The following SCIN variants were observed in gnomAD, a reference collection of about 807,000 sequenced individuals.
The protein encoded by SCIN is adseverin.
SCIN carries 91 observed loss-of-function variants against 91.8 expected under a neutral mutation model. The observed-to-expected ratio is 0.99, with a 90% CI of 0.84 to 1.18. The LOEUF is 1.18. Ranked by LOEUF, SCIN falls within the 50% of genes most tolerant of loss-of-function variation. The pLI is 0.00. For missense variants in SCIN, 1,087 were observed against 863.9 expected (o/e 1.26, Z -3.24); for synonymous variants, 367 against 312.6 (o/e 1.17, Z -1.84).
chr7:12,610,364 C>T (rs1783166045), intron 4 of SCIN, among the ~76,000 whole-genome samples: 1 of 152,164 alleles, frequency 6.6e-6, no homozygotes, highest in African/African-American at 2.4e-5. Flanking sequence ...ATGTACTCTA[C>T]AAAGCCTGTT....
intron 4 of SCIN, among the ~76,000 whole-genome samples, chr7:12,621,900 A>G (rs192063031): frequency 1.3e-4 from 20 of 151,998 alleles, no homozygotes; most frequent in African/African-American, 4.8e-4. Flanking sequence ...ATTGTAAGGA[A>G]TAGCGAATAT....
chr7:12,586,411 A>T (rs563139523), intron 3 of SCIN, among the ~76,000 whole-genome samples: 1 of 152,220 alleles, frequency 6.6e-6, no homozygotes, highest in African/African-American at 2.4e-5. Flanking sequence ...AATGACTGTC[A>T]TCAAAAACAC....
chr7:12,658,691 C>T lies in SCIN; in HGVS notation c.*5976C>T, dbSNP rs762956484. 12 of 152,170 alleles carry T rather than the reference C, an allele frequency of 7.9e-5. No individual in the cohort carries two copies. Among genetic ancestry groups the T allele is most frequent in the Non-Finnish European group, 1.5e-4 (10 of 68,018 alleles). The allele number at this position is 152,170 out of a possible 1,614,324, so 9.4% of individuals were successfully genotyped here. ...TGCCAAGACTCTCTTGTATGATTTT[C>T]CTCTCTAGCTTGGGGCTGCACCCTC... On this transcript the variant is annotated 3_prime_UTR_variant, in exon 16 of 16. Coordinates refer to ENST00000297029, the MANE Select transcript of SCIN (RefSeq NM_001112706.3).
At chr7:12,644,072 G>C in intron 11 of SCIN, 66 bp from the exon 12 acceptor site, 2 of 1,429,014 alleles carry the variant, frequency 1.4e-6, no homozygotes, top group Non-Finnish European at 1.9e-6. Context: ...CACAGCTTCT[G>C]GGACATGTTT....
At chr7:12,650,148 A>T (rs906901707) in intron 14 of SCIN, among the ~76,000 whole-genome samples, 1 of 152,222 alleles carries the variant, frequency 6.6e-6, no homozygotes, top group Non-Finnish European at 1.5e-5. Context: ...TGAAATGCTT[A>T]TCTGAATTAG....
Position 12,622,860 on chromosome 7 carries a change from C to T in SCIN, c.726C>T (p.Asp242=). 1.2e-6 allele frequency: 2 copies of T among 1,612,912 alleles called. No homozygotes were observed. The highest frequency in any genetic ancestry group is 2.2e-5 in the East Asian group (1 of 44,824). The change falls in exon 5 of 16, where the codon GAC becomes GAT. Residue 242 remains aspartate, a synonymous_variant. Coordinates refer to ENST00000297029, the MANE Select transcript of SCIN (RefSeq NM_001112706.3). ...DGGDDDDIIA[D]ISNRKMAKLY... is the part of the protein sequence containing the mutation. The stretch of plus-strand genomic sequence containing the variant: ...GTGATGATGATGACATTATAGCAGA[C>T]ATAAGTAACAGGAAAATGGCTAAAC...
chr7:12,587,249 G>T (rs1401982396), intron 3 of SCIN, among the ~76,000 whole-genome samples: 1 of 152,164 alleles, frequency 6.6e-6, no homozygotes, highest in African/African-American at 2.4e-5. Flanking sequence ...GAATAAAGGT[G>T]AATTTTGTTA....
intron 9 of SCIN, among the ~76,000 whole-genome samples, chr7:12,633,690 A>C (rs191601002): frequency 4.1e-4 from 62 of 152,352 alleles, no homozygotes; most frequent in African/African-American, 1.3e-3. Context: ...GAATAAAAGC[A>C]AAATGGAAAG....
chr7:12,572,795 A>G (rs1190504252), intron 1 of SCIN, among the ~76,000 whole-genome samples: 3 of 152,234 alleles, frequency 2.0e-5, no homozygotes, highest in Non-Finnish European at 4.4e-5. Context: ...AGTCAATAAC[A>G]TGTTAATAAC....
rs17166250 is a variant in SCIN, at chr7:12,636,088, T to C, written c.1363T>C (p.Phe455Leu). ...ATRDELTTSAFLTVQLDRSLG... is the reference protein window; with the variant it reads ...ATRDELTTSALLTVQLDRSLG... ...ACGAGATGAGCTGACAACATCTGCG[T>C]TCCTGACTGTTCAGTTGGATCGGTC... The change falls in exon 10 of 16, where the codon TTC becomes CTC. Residue 455 changes from phenylalanine (F) to leucine (L), a missense_variant. By Grantham distance (22) the Phe-to-Leu change is conservative. Coordinates refer to ENST00000297029, the MANE Select transcript of SCIN (RefSeq NM_001112706.3). 0.043 allele frequency: 69,717 copies of C among 1,611,762 alleles called. 1,722 individuals carry two copies. The highest frequency in any genetic ancestry group is 0.058 in the Middle Eastern group (352 of 6,060).
intron 1 of SCIN, among the ~76,000 whole-genome samples, chr7:12,573,426 A>G (rs1034855): frequency 1 from 152,269 of 152,272 alleles, 76,133 homozygotes; most frequent in Middle Eastern, 1. Context: ...AGAACAGAGC[A>G]GGAGAGTCGT....
At chr7:12,637,765 A>G (rs1447422190) in intron 10 of SCIN, among the ~76,000 whole-genome samples, 1 of 152,212 alleles carries the variant, frequency 6.6e-6, no homozygotes, top group Admixed American at 6.5e-5. Context: ...GACTGAATCC[A>G]AATTCAAAAT....
At chr7:12,644,357 TG>T (rs1189924665) in intron 12 of SCIN, 42 bp downstream of exon 12, 1 of 1,529,126 alleles carries the variant, frequency 6.5e-7, no homozygotes, top group Non-Finnish European at 8.8e-7. Context: ...GAATTTATAC[TG>T]ATACGATTGC....
chr7:12,610,085 A>G lies in SCIN; in HGVS notation c.666+5422A>G, dbSNP rs570513779. ...AGAGCATGGTCTGAATAACACCACAATTTGTTGGAAGACTTTTCATGATGA... is the reference window on the plus strand; with the variant it reads ...AGAGCATGGTCTGAATAACACCACAGTTTGTTGGAAGACTTTTCATGATGA... On this transcript the variant is annotated intron_variant, in intron 4 of 15. Transcript: ENST00000297029. Among the ~76,000 whole-genome samples the G allele has an allele frequency of 2.0e-5, 3 of 152,314 alleles. No individual in the cohort carries two copies. The South Asian group carries it at 6.2e-4, about 32-fold the overall frequency.
chr7:12,604,571 C>T lies in SCIN; in HGVS notation c.574C>T (p.Gln192Ter), dbSNP rs1583293658. The change falls in exon 4 of 16, where the codon CAG becomes TAG. Residue 192 changes from glutamine (Q) to a stop codon, truncating the protein, a stop_gained. Coordinates refer to ENST00000297029, the MANE Select transcript of SCIN (RefSeq NM_001112706.3). LOFTEE classifies it high-confidence loss of function. ...CAAATATGAACGTCTGAAGGCAAAC[C>T]AGGTAGCTACTGGCATTCGGTACAA... ...CNKYERLKANQVATGIRYNER... is the reference protein window; with the variant it reads ...CNKYERLKAN 1.3e-6 allele frequency: 2 copies of T among 1,551,904 alleles called. No homozygotes were observed. The highest frequency in any genetic ancestry group is 1.7e-6 in the Non-Finnish European group (2 of 1,146,998).
At chr7:12,579,170 G>A (rs143587721) in intron 2 of SCIN, among the ~76,000 whole-genome samples, 1,556 of 152,036 alleles carry the variant, frequency 0.01, 21 homozygotes, top group South Asian at 0.043. Flanking sequence ...TACTAAGTCC[G>A]CCTACTAAGA....
chr7:12,625,952 A>G, intron 7 of SCIN, 102 bp downstream of exon 7: 2 of 686,410 alleles, frequency 2.9e-6, no homozygotes, highest in Non-Finnish European at 4.9e-6. Flanking sequence ...TAACGTCTGT[A>G]TGTGAAGTGA....
chr7:12,618,568 G>A (rs1172099509), intron 4 of SCIN, among the ~76,000 whole-genome samples: 1 of 152,136 alleles, frequency 6.6e-6, no homozygotes, highest in Non-Finnish European at 1.5e-5. Context: ...TATATCCAGA[G>A]TGGGTGGAGC....
Position 12,655,111 on chromosome 7 carries a change from AT to A in SCIN, c.*2398del, listed in dbSNP as rs1361764083. 1 of 152,186 alleles carries A rather than the reference AT, an allele frequency of 6.6e-6. No individual in the cohort carries two copies. Among genetic ancestry groups the A allele is most frequent in the Non-Finnish European group, 1.5e-5 (1 of 68,010 alleles). 9.4% of individuals were successfully genotyped at this position (152,186 alleles called of 1,614,324 possible). On this transcript the variant is annotated 3_prime_UTR_variant, in exon 16 of 16. Transcript: ENST00000297029. The stretch of plus-strand genomic sequence containing the variant: ...ATAGTATTTGCATAAAACCTATACC[AT>A]TCTCCTGTATACTCTAAGTCATCTC...
Sources: gnomAD v4.1 joint callset for allele counts (sites outside exome capture counted in the v4.1 genomes callset) on GRCh38, gnomAD v4.1.1 for gene constraint, MANE v1.5 for transcripts, NCBI Gene and HGNC (gene_info 2026-07-23, HGNC 2026-07-21) for gene names.